Variants in LARS2 observed in about 807,000 individuals in gnomAD.
LARS2 encodes the protein leucyl-tRNA synthetase 2, mitochondrial.
LARS2 carries 81 observed loss-of-function variants against 116.6 expected under a neutral mutation model. The observed-to-expected ratio is 0.69, with a 90% CI of 0.58 to 0.84. The LOEUF (loss-of-function observed/expected upper bound fraction) is 0.84, where lower values mean the gene tolerates loss of function less well. Among genes scored for constraint, LARS2 ranks in the 40% least tolerant of loss-of-function variants. The pLI, the probability that LARS2 is intolerant of heterozygous loss-of-function variation, is 0.00. For missense variants in LARS2, 968 were observed against 1,114.5 expected (o/e 0.87, Z 1.87); for synonymous variants, 396 against 407.2 (o/e 0.97, Z 0.33).
chr3:45,419,975 G>A (rs1698489760), intron 6 of LARS2, among the ~76,000 whole-genome samples: 1 of 152,160 alleles, frequency 6.6e-6, no homozygotes. Context: ...TTTCTGTGTG[G>A]CAAAAGCTTT....
chr3:45,454,019 G>A (rs1699177096), intron 7 of LARS2, among the ~76,000 whole-genome samples: 1 of 152,102 alleles, frequency 6.6e-6, no homozygotes, highest in Non-Finnish European at 1.5e-5. Flanking sequence ...TGTGTGAAGG[G>A]CGAGGCAGGG....
At chr3:45,461,035 A>C (rs1271729607) in intron 8 of LARS2, among the ~76,000 whole-genome samples, 1 of 152,100 alleles carries the variant, frequency 6.6e-6, no homozygotes, top group Non-Finnish European at 1.5e-5. Flanking sequence ...TATGGCCTAA[A>C]ATCAAGGGGG....
At chr3:45,513,316 T>C (rs1285285669) in intron 16 of LARS2, 81 bp downstream of exon 16, 2 of 936,970 alleles carry the variant, frequency 2.1e-6, no homozygotes, top group East Asian at 4.8e-5. Flanking sequence ...CAAGCAGGCA[T>C]CTGCCTCTAG....
In LARS2 at chr3:45,415,876, T is replaced by TAG. The variant is rs71095033; in HGVS notation, c.364-1591_364-1590dup. On this transcript the variant is annotated intron_variant, in intron 4 of 21. Coordinates refer to ENST00000645846, the MANE Select transcript of LARS2 (RefSeq NM_015340.4). The stretch of plus-strand genomic sequence containing the variant: ...AAAAAAAAAAATATATATATATATA[T>TAG]AGAGAGAGAGAGAGAGGGAGAGAGA... Among the ~76,000 whole-genome samples, 351 of 68,998 alleles carry TAG rather than the reference T, an allele frequency of 5.1e-3. 1 individual carries two copies. The highest frequency in any genetic ancestry group is 0.01 in the South Asian group (22 of 2,192). 45.3% of individuals were successfully genotyped at this position (68,998 alleles called of 152,430 possible). A position where few individuals can be genotyped will look rare whatever the true frequency, so the allele number is the denominator to read the frequency against.
At chr3:45,416,161 G>A (rs1389277522) in intron 4 of LARS2, among the ~76,000 whole-genome samples, 2 of 151,274 alleles carry the variant, frequency 1.3e-5, no homozygotes, top group East Asian at 1.9e-4. Context: ...GGTGGTGCAC[G>A]CCTGTAATCC....
At chr3:45,455,273 C>CCAGCACT (rs1553632003) in intron 7 of LARS2, among the ~76,000 whole-genome samples, 1 of 152,092 alleles carries the variant, frequency 6.6e-6, no homozygotes, top group Non-Finnish European at 1.5e-5. Flanking sequence ...AAATACAGTC[C>CCAGCACT]TATTTGTTCT....
In LARS2 at chr3:45,518,043, T is replaced by C; in HGVS notation, c.2185T>C (p.Trp729Arg). 6.2e-7 allele frequency: 1 copy of C among 1,613,704 alleles called. No homozygotes were observed. Among genetic ancestry groups the C allele is most frequent in the East Asian group, 2.2e-5 (1 of 44,868 alleles). The change falls in exon 18 of 22, where the codon TGG becomes CGG. Residue 729 changes from tryptophan (W) to arginine (R), a missense_variant. Physicochemically the swap from Trp to Arg is moderately radical, Grantham distance 101. Transcript: ENST00000645846. ...NKEKAEARKL[W>R]EYKNSVISQV... ...GGAGAAAGCTGAGGCCAGGAAGCTC[T>C]GGGAGTACAAGAACTCCGTCATCTC...
chr3:45,505,241 G>A (rs1700182809), intron 15 of LARS2, among the ~76,000 whole-genome samples: 1 of 152,022 alleles, frequency 6.6e-6, no homozygotes, highest in Non-Finnish European at 1.5e-5. Flanking sequence ...TGAGGCTGAG[G>A]CGGGAAGATT....
rs17637580 is a variant in LARS2, at chr3:45,394,981, G to A, written c.234+294G>A. 0.23 allele frequency among the ~76,000 whole-genome samples: 34,950 copies of A among 152,060 alleles called. 4,617 individuals carry two copies. The highest frequency in any genetic ancestry group is 0.3 in the Non-Finnish European group (20,191 of 67,966). ...CACATAGTAATATTGCGCACGAGGT[G>A]TATGACAGACAGCAGCAAACCAGGT... On this transcript the variant is annotated intron_variant, in intron 3 of 21. Transcript: ENST00000645846.
chr3:45,502,680 G>T (rs1046510440), intron 15 of LARS2, among the ~76,000 whole-genome samples: 7 of 151,960 alleles, frequency 4.6e-5, no homozygotes, highest in Admixed American at 3.9e-4. Context: ...CGAAGTGCTG[G>T]GATTACAGGC....
intron 20 of LARS2, among the ~76,000 whole-genome samples, chr3:45,533,542 A>G (rs1700653741): frequency 6.6e-6 from 1 of 152,152 alleles, no homozygotes; most frequent in South Asian, 2.1e-4. Context: ...ACCCACTCTC[A>G]TCGCAGAATA....
rs916067021 is a variant in LARS2 at position 45,394,404 on chromosome 3, CAT to C, written c.-21-27_-21-26del. On this transcript the variant is annotated intron_variant, in intron 2 of 21. Coordinates refer to ENST00000645846, the MANE Select transcript of LARS2 (RefSeq NM_015340.4). The stretch of plus-strand genomic sequence containing the variant: ...GCTCTGGGGAGGGTTTGAGGCAGCT[CAT>C]AGTGTGCTTTCTGCCCTCTTTTTCA... 3.0e-6 allele frequency: 4 copies of C among 1,342,406 alleles called. No homozygotes were observed. The Admixed American group carries it at 6.9e-5, about 23-fold the overall frequency. 83.2% of individuals were successfully genotyped at this position (1,342,406 alleles called of 1,614,324 possible).
At chr3:45,531,484 C>T (rs986442566) in intron 20 of LARS2, among the ~76,000 whole-genome samples, 1 of 151,990 alleles carries the variant, frequency 6.6e-6, no homozygotes, top group African/African-American at 2.4e-5. Flanking sequence ...CTCAAGCAGA[C>T]CTCGTGCCTC....
intron 8 of LARS2, among the ~76,000 whole-genome samples, chr3:45,466,746 T>A (rs1325059461): frequency 6.6e-6 from 1 of 152,102 alleles, no homozygotes; most frequent in African/African-American, 2.4e-5. Flanking sequence ...AGACCGAATC[T>A]CACTCTGTCT....
chr3:45,523,927 A>G lies in LARS2; in HGVS notation c.2293-70A>G, dbSNP rs914921403. 1.2e-5 allele frequency: 14 copies of G among 1,138,550 alleles called. No individual in the cohort carries two copies. In the African/African-American group the frequency reaches 1.8e-4, roughly 15 times the overall value. The allele number at this position is 1,138,550 out of a possible 1,614,324, so 70.5% of individuals were successfully genotyped here. Reference sequence around the variant, plus strand: ...GCTTGTGTCTCTGGACTTCAGATACATTAATGGTCTTTCTTACCCGTGCTT... The same window carrying G: ...GCTTGTGTCTCTGGACTTCAGATACGTTAATGGTCTTTCTTACCCGTGCTT... On this transcript the variant is annotated intron_variant, in intron 19 of 21. Transcript: ENST00000645846.
intron 15 of LARS2, among the ~76,000 whole-genome samples, chr3:45,503,788 A>G (rs1047116641): frequency 1.3e-5 from 2 of 152,014 alleles, no homozygotes; most frequent in African/African-American, 4.8e-5. Flanking sequence ...TTCCCTATCC[A>G]GATAACCCAT....
chr3:45,410,781 A>C (rs1698319392), intron 4 of LARS2, among the ~76,000 whole-genome samples: 1 of 152,202 alleles, frequency 6.6e-6, no homozygotes, highest in Non-Finnish European at 1.5e-5. Context: ...TACTCTGTAC[A>C]AGCCTAGAGC....
chr3:45,457,907 A>G (rs1699239875), intron 7 of LARS2, among the ~76,000 whole-genome samples: 1 of 152,250 alleles, frequency 6.6e-6, no homozygotes, highest in African/African-American at 2.4e-5. Flanking sequence ...TATGTGCTCT[A>G]TCAGCTGAAT....
intron 14 of LARS2, among the ~76,000 whole-genome samples, chr3:45,497,390 C>T (rs1223038410): frequency 6.6e-6 from 1 of 152,012 alleles, no homozygotes; most frequent in Admixed American, 6.6e-5. Context: ...CTTCCAGAGC[C>T]CAGGAAAAAA....
Sources: allele counts gnomAD v4.1 joint callset (sites outside exome capture counted in the v4.1 genomes callset), GRCh38; gene constraint gnomAD v4.1.1; transcripts MANE v1.5; gene names NCBI Gene and HGNC (gene_info 2026-07-23, HGNC 2026-07-21).